The following NELL1 variants were observed in gnomAD, a reference collection of about 807,000 sequenced individuals.
The protein encoded by NELL1 is protein kinase C-binding protein NELL1.
A neutral mutation model predicts 107.4 loss-of-function variants in NELL1; 76 were observed. The ratio of observed to expected loss-of-function variants is 0.71; its 90% CI spans 0.59 to 0.86. The LOEUF (loss-of-function observed/expected upper bound fraction) is 0.86. Ranked by LOEUF, NELL1 falls within the 40% of genes least tolerant of loss-of-function variation. The probability of loss-of-function intolerance (pLI) is 0.00; values close to 1 mark genes in which losing one functional copy is unlikely to be tolerated. For missense variants in NELL1, 1,024 were observed against 1,005.5 expected (o/e 1.02, Z -0.25); for synonymous variants, 353 against 341.2 (o/e 1.03, Z -0.38).
intron 14 of NELL1, among the ~76,000 whole-genome samples, chr11:21,298,284 CT>C (rs1188751730): frequency 2.6e-5 from 4 of 151,944 alleles, no homozygotes; most frequent in Non-Finnish European, 4.4e-5. Flanking sequence ...CTCTGCAAAC[CT>C]TTTCTATTCT....
chr11:21,510,342 G>C (rs1040844527), intron 15 of NELL1, among the ~76,000 whole-genome samples: 8 of 152,192 alleles, frequency 5.3e-5, no homozygotes, highest in Admixed American at 5.2e-4. Flanking sequence ...GAAGTGCTCT[G>C]TGGAATTTGT....
chr11:20,713,929 C>T (rs1385311617), intron 2 of NELL1, among the ~76,000 whole-genome samples: 24 of 152,174 alleles, frequency 1.6e-4, no homozygotes, highest in Non-Finnish European at 1.5e-5. Context: ...CTCCTGAGAT[C>T]TGGATATTCA....
At chr11:20,919,756 G>C (rs903217173) in intron 7 of NELL1, among the ~76,000 whole-genome samples, 3 of 152,132 alleles carry the variant, frequency 2.0e-5, no homozygotes, top group African/African-American at 7.2e-5. Flanking sequence ...ACAGATTACT[G>C]TCAAAAGAAG....
At chr11:21,361,674 T>C (rs1159117442) in intron 14 of NELL1, among the ~76,000 whole-genome samples, 1 of 152,186 alleles carries the variant, frequency 6.6e-6, no homozygotes, top group Non-Finnish European at 1.5e-5. Context: ...GAGGCTTTGT[T>C]CATGTTTTTA....
chr11:21,518,619 T>C (rs1029204025), intron 15 of NELL1, among the ~76,000 whole-genome samples: 2 of 152,208 alleles, frequency 1.3e-5, no homozygotes, highest in African/African-American at 4.8e-5. Flanking sequence ...AAGGATTAGA[T>C]ATAATGGCAT....
Position 20,991,991 on chromosome 11 carries a change from CAA to C in NELL1, c.1300+31450_1300+31451del, listed in dbSNP as rs57278158. ...GTTCTTTCAAAGCCAGTGTAGCATG[CAA>C]AAAAAAAAAAAAAAAAAAGTTGAAA... On this transcript the variant is annotated intron_variant, in intron 12 of 19. Coordinates refer to ENST00000357134, the MANE Select transcript of NELL1 (RefSeq NM_006157.5). 5.1e-3 allele frequency among the ~76,000 whole-genome samples: 556 copies of C among 109,988 alleles called. 1 individual carries two copies. Among genetic ancestry groups the C allele is most frequent in the Middle Eastern group, 0.017 (4 of 238 alleles). The allele number at this position is 109,988 out of a possible 152,430, so 72.2% of individuals were successfully genotyped here.
At chr11:21,264,088 G>GTGTGTGTGTGTA (rs1554989869) in intron 14 of NELL1, among the ~76,000 whole-genome samples, 1 of 151,376 alleles carries the variant, frequency 6.6e-6, no homozygotes, top group Non-Finnish European at 1.5e-5. Context: ...GTGTGTGTGT[G>GTGTGTGTGTGTA]TGTGTGTGTT....
At chr11:21,393,702 ATACTC>A (rs1427337200) in intron 15 of NELL1, among the ~76,000 whole-genome samples, 6 of 151,682 alleles carry the variant, frequency 4.0e-5, no homozygotes, top group South Asian at 4.1e-4. Context: ...ACTCATGAAA[ATACTC>A]TAATATATCC....
At chr11:21,105,876 T>C (rs186024533) in intron 12 of NELL1, among the ~76,000 whole-genome samples, 9,856 of 35,040 alleles carry the variant, frequency 0.28, 1,558 homozygotes, top group African/African-American at 0.41. Context: ...CTCCCCTTCC[T>C]CTCTCCTCTC....
chr11:21,360,330 T>A (rs1851046492), intron 14 of NELL1, among the ~76,000 whole-genome samples: 2 of 152,218 alleles, frequency 1.3e-5, no homozygotes, highest in African/African-American at 4.8e-5. Flanking sequence ...CTTCCAGTTT[T>A]ATTCCACTGG....
At chr11:20,869,606 A>G (rs1286346251) in intron 4 of NELL1, among the ~76,000 whole-genome samples, 1 of 152,208 alleles carries the variant, frequency 6.6e-6, no homozygotes, top group African/African-American at 2.4e-5. Flanking sequence ...ATTCTTGAGC[A>G]TATATTTTGT....
intron 15 of NELL1, among the ~76,000 whole-genome samples, chr11:21,523,582 C>A (rs1855779934): frequency 6.6e-6 from 1 of 152,112 alleles, no homozygotes; most frequent in South Asian, 2.1e-4. Context: ...TAGCACTTTG[C>A]TGATTACCTG....
At chr11:20,701,310 T>A (rs1440504395) in intron 2 of NELL1, among the ~76,000 whole-genome samples, 1 of 152,136 alleles carries the variant, frequency 6.6e-6, no homozygotes, top group Admixed American at 6.5e-5. Flanking sequence ...ATGTCTTCTT[T>A]TGAGAAGTGT....
chr11:20,869,444 G>GTAA (rs1423300916), intron 4 of NELL1, among the ~76,000 whole-genome samples: 4 of 152,144 alleles, frequency 2.6e-5, no homozygotes, highest in Non-Finnish European at 1.5e-5. Flanking sequence ...AAGTGCTGAT[G>GTAA]GACAATTAAT....
At chr11:20,879,065 C>T (rs902341240) in intron 4 of NELL1, among the ~76,000 whole-genome samples, 1 of 152,110 alleles carries the variant, frequency 6.6e-6, no homozygotes, top group Admixed American at 6.5e-5. Flanking sequence ...CCTCCAGACC[C>T]GGAAGATAAT....
chr11:20,938,908 GTC>G (rs71443766), intron 10 of NELL1, among the ~76,000 whole-genome samples: 2,889 of 144,438 alleles, frequency 0.02, 44 homozygotes, highest in Middle Eastern at 0.053. Flanking sequence ...TTCTCTCTCT[GTC>G]TCTCTCTCTC....
intron 15 of NELL1, among the ~76,000 whole-genome samples, chr11:21,532,951 T>C (rs1241264626): frequency 6.6e-6 from 1 of 152,174 alleles, no homozygotes; most frequent in Non-Finnish European, 1.5e-5. Context: ...GGTATGACAA[T>C]CTACATGGTG....
intron 15 of NELL1, among the ~76,000 whole-genome samples, chr11:21,401,198 A>C (rs1442039289): frequency 1.3e-5 from 2 of 151,730 alleles, no homozygotes; most frequent in African/African-American, 4.8e-5. Flanking sequence ...CTATGAAAAC[A>C]TAAGATTTTT....
In NELL1 at chr11:20,988,420, C is replaced by T. The variant is rs1000705987; in HGVS notation, c.1300+27860C>T. ...ATACATATCTATATATACACATGTA[C>T]ATATGTGTGTATATATATCTATATA... On this transcript the variant is annotated intron_variant, in intron 12 of 19. Transcript: ENST00000357134. 3.5e-5 allele frequency among the ~76,000 whole-genome samples: 5 copies of T among 143,576 alleles called. No homozygotes were observed. The East Asian group carries it at 8.6e-4, about 25-fold the overall frequency. 94.2% of individuals were successfully genotyped at this position (143,576 alleles called of 152,430 possible).
Sources: gnomAD v4.1 joint callset for allele counts (sites outside exome capture counted in the v4.1 genomes callset) on GRCh38, gnomAD v4.1.1 for gene constraint, MANE v1.5 for transcripts, NCBI Gene and HGNC (gene_info 2026-07-23, HGNC 2026-07-21) for gene names.